Variants in ELMO1 observed in about 807,000 individuals in gnomAD.
The protein encoded by ELMO1 is engulfment and cell motility protein 1.
ELMO1 carries 26 observed loss-of-function variants against 98.9 expected under a neutral mutation model. The ratio of observed to expected loss-of-function variants is 0.26; its 90% CI spans 0.19 to 0.36. ELMO1 has a LOEUF of 0.36. Among genes scored for constraint, ELMO1 ranks in the 10% least tolerant of loss-of-function variants. The pLI, the probability that ELMO1 is intolerant of heterozygous loss-of-function variation, is 1.00. For synonymous variants in ELMO1, 346 were observed against 346.0 expected (o/e 1.00, Z 0.00); for missense variants, 627 against 935.2 (o/e 0.67, Z 4.30).
At chr7:36,990,488 A>G (rs1172118824) in intron 16 of ELMO1, among the ~76,000 whole-genome samples, 3 of 152,174 alleles carry the variant, frequency 2.0e-5, no homozygotes, top group Middle Eastern at 3.2e-3. Flanking sequence ...GAATCACAGT[A>G]TCAAATACTC....
chr7:37,366,468 AG>A (rs1258934084), intron 1 of ELMO1, among the ~76,000 whole-genome samples: 1 of 152,238 alleles, frequency 6.6e-6, no homozygotes, highest in African/African-American at 2.4e-5. Flanking sequence ...GAAGCAAAGA[AG>A]TTAAGATCCA....
At chr7:36,931,873 G>A (rs981519752) in intron 16 of ELMO1, among the ~76,000 whole-genome samples, 1 of 152,200 alleles carries the variant, frequency 6.6e-6, no homozygotes, top group African/African-American at 2.4e-5. Context: ...ATCTGTGTGT[G>A]TTAAACACTA....
chr7:37,144,698 T>TA (rs1356712261), intron 13 of ELMO1, among the ~76,000 whole-genome samples: 1 of 152,168 alleles, frequency 6.6e-6, no homozygotes, highest in Non-Finnish European at 1.5e-5. Flanking sequence ...GGGAGATGGC[T>TA]ACTTCCCTTT....
chr7:36,859,947 C>T (rs1049812501), intron 21 of ELMO1, among the ~76,000 whole-genome samples: 5 of 152,120 alleles, frequency 3.3e-5, no homozygotes, highest in East Asian at 3.9e-4. Flanking sequence ...AAGACCAACC[C>T]GTCCTCTTCC....
chr7:37,167,685 G>A (rs1424550118), intron 13 of ELMO1, among the ~76,000 whole-genome samples: 2 of 152,336 alleles, frequency 1.3e-5, no homozygotes, highest in East Asian at 1.9e-4. Context: ...CTTCTGGCTT[G>A]TAGAGTTTCT....
intron 16 of ELMO1, among the ~76,000 whole-genome samples, chr7:37,008,212 G>C (rs1292887703): frequency 6.6e-6 from 1 of 152,206 alleles, no homozygotes; most frequent in Admixed American, 6.5e-5. Flanking sequence ...GTTTATAAAA[G>C]CGTCAATCAT....
chr7:37,155,353 A>C (rs1788662601), intron 13 of ELMO1, among the ~76,000 whole-genome samples: 1 of 152,218 alleles, frequency 6.6e-6, no homozygotes, highest in Non-Finnish European at 1.5e-5. Flanking sequence ...CCTAATTAAA[A>C]GACACAGACT....
chr7:37,346,726 T>G (rs1354421516), intron 1 of ELMO1, among the ~76,000 whole-genome samples: 1 of 152,010 alleles, frequency 6.6e-6, no homozygotes, highest in Non-Finnish European at 1.5e-5. Context: ...ATCGTGGGGG[T>G]TAAGACAGTA....
chr7:36,970,179 TAACACAC>T (rs1224542218), intron 16 of ELMO1, among the ~76,000 whole-genome samples: 1 of 113,152 alleles, frequency 8.8e-6, no homozygotes, highest in Non-Finnish European at 1.8e-5. Context: ...TTCATACACT[TAACACAC>T]ACACACACAC....
At chr7:37,191,525 C>T (rs1791575203) in intron 13 of ELMO1, among the ~76,000 whole-genome samples, 2 of 152,132 alleles carry the variant, frequency 1.3e-5, no homozygotes, top group Admixed American at 1.3e-4. Context: ...TGTGGACAAA[C>T]AGTTACTCAC....
chr7:36,977,237 T>A (rs1016146640), intron 16 of ELMO1, among the ~76,000 whole-genome samples: 2 of 152,220 alleles, frequency 1.3e-5, no homozygotes, highest in African/African-American at 4.8e-5. Context: ...GTGGTAATTT[T>A]AAAATGATCA....
chr7:37,079,626 C>T (rs1797759100), intron 15 of ELMO1, among the ~76,000 whole-genome samples: 1 of 152,170 alleles, frequency 6.6e-6, no homozygotes, highest in South Asian at 2.1e-4. Context: ...TCAGGTCACC[C>T]TGACCTCCAC....
chr7:37,092,363 A>ATTT (rs1784145396), intron 15 of ELMO1, among the ~76,000 whole-genome samples: 1 of 65,416 alleles, frequency 1.5e-5, no homozygotes, highest in Non-Finnish European at 3.4e-5. Context: ...AATTACCCAT[A>ATTT]TTCTTTTTTT....
intron 16 of ELMO1, among the ~76,000 whole-genome samples, chr7:36,935,134 T>G (rs1786405745): frequency 6.6e-6 from 1 of 152,302 alleles, no homozygotes; most frequent in Non-Finnish European, 1.5e-5. Context: ...GATAATTGAA[T>G]CATGGGGGCG....
chr7:37,147,803 C>A, intron 13 of ELMO1, among the ~76,000 whole-genome samples: 1 of 147,186 alleles, frequency 6.8e-6, no homozygotes, highest in African/African-American at 2.6e-5. Flanking sequence ...GCAGATATAT[C>A]AGAGGAGAGA....
chr7:37,125,381 T>C (rs1038977286), intron 14 of ELMO1, among the ~76,000 whole-genome samples: 2 of 152,174 alleles, frequency 1.3e-5, no homozygotes, highest in African/African-American at 4.8e-5. Flanking sequence ...TTTTGCAATC[T>C]ACTCATCTGA....
intron 14 of ELMO1, among the ~76,000 whole-genome samples, chr7:37,126,476 A>C (rs549912808): frequency 6.6e-6 from 1 of 152,130 alleles, no homozygotes; most frequent in African/African-American, 2.4e-5. Context: ...GGTCACTGGG[A>C]AAGGGGGCAA....
chr7:37,004,214 C>T (rs1792888326), intron 16 of ELMO1, among the ~76,000 whole-genome samples: 1 of 152,078 alleles, frequency 6.6e-6, no homozygotes, highest in Admixed American at 6.5e-5. Flanking sequence ...AGGTAATTTC[C>T]TTTTAATGGG....
In ELMO1 at chr7:37,381,060, G is replaced by A. The variant is rs193202129; in HGVS notation, c.-73-38297C>T. Among the ~76,000 whole-genome samples, 32 of 152,312 alleles carry A rather than the reference G, an allele frequency of 2.1e-4. 1 individual carries two copies. In the South Asian group the frequency reaches 6.2e-3, roughly 30 times the overall value. On this transcript the variant is annotated intron_variant, in intron 1 of 21. Transcript: ENST00000310758. ...AACAAGAAGACAGGGCTAGAAACAT[G>A]CCCGTCAGGCAACTCAAATTTTTCA...
Sources: allele counts gnomAD v4.1 joint callset (sites outside exome capture counted in the v4.1 genomes callset), GRCh38; gene constraint gnomAD v4.1.1; transcripts MANE v1.5; gene names NCBI Gene and HGNC (gene_info 2026-07-23, HGNC 2026-07-21).